The following SLBP variants were observed in gnomAD, a reference collection of about 807,000 sequenced individuals.
SLBP encodes the protein histone RNA hairpin-binding protein.
A neutral mutation model predicts 39.2 loss-of-function variants in SLBP; 29 were observed. The observed-to-expected ratio is 0.74, with a 90% CI of 0.55 to 1.01. The LOEUF is 1.01. SLBP is among the 50% of genes least tolerant of loss of function. SLBP has a pLI of 0.00. For synonymous variants in SLBP, 129 were observed against 118.7 expected, an observed-to-expected ratio of 1.09 and a Z score of -0.57; for missense variants, 390 against 350.2, an observed-to-expected ratio of 1.11 and a Z score of -0.91.
chr4:1,696,164 T>A (rs1170277871), intron 6 of SLBP, 38 bp downstream of exon 6: 2 of 1,535,142 alleles, frequency 1.3e-6, no homozygotes, highest in Admixed American at 4.0e-5. Flanking sequence ...ACTGGACCAA[T>A]CAGAGAATCA....
intron 5 of SLBP, among the ~76,000 whole-genome samples, chr4:1,697,943 T>A (rs543048518): frequency 6.6e-6 from 1 of 151,540 alleles, no homozygotes; most frequent in African/African-American, 2.4e-5. Flanking sequence ...CTGGGCGACA[T>A]AGGGAGACTC....
chr4:1,703,798 G>A (rs1716419346), intron 2 of SLBP, 98 bp from the exon 3 acceptor site: 2 of 885,506 alleles, frequency 2.3e-6, no homozygotes, highest in African/African-American at 1.6e-5. Context: ...GGACACAGTG[G>A]CTTGTGCCTG....
intron 2 of SLBP, among the ~76,000 whole-genome samples, chr4:1,706,957 C>T (rs570035291): frequency 3.3e-5 from 5 of 150,300 alleles, no homozygotes; most frequent in Non-Finnish European, 7.4e-5. Flanking sequence ...CAGTGGCTCA[C>T]GCCTGTAATC....
At chr4:1,698,360 G>T (rs1716198657) in intron 5 of SLBP, among the ~76,000 whole-genome samples, 1 of 144,892 alleles carries the variant, frequency 6.9e-6, no homozygotes, top group South Asian at 2.2e-4. Flanking sequence ...AGTGAGACAT[G>T]ATATAACACT....
intron 2 of SLBP, among the ~76,000 whole-genome samples, chr4:1,706,783 C>T (rs1054934359): frequency 5.1e-5 from 6 of 117,224 alleles, no homozygotes; most frequent in East Asian, 2.0e-4. Flanking sequence ...GAGCCGAGAT[C>T]GTGCACTGCA....
intron 2 of SLBP, among the ~76,000 whole-genome samples, chr4:1,707,685 G>A (rs1467383766): frequency 6.6e-6 from 1 of 151,956 alleles, no homozygotes; most frequent in African/African-American, 2.4e-5. Flanking sequence ...ACAGGCTCAT[G>A]CCTGTGACCC....
intron 2 of SLBP, among the ~76,000 whole-genome samples, chr4:1,705,784 G>A (rs1172360105): frequency 1.3e-5 from 2 of 152,182 alleles, no homozygotes; most frequent in African/African-American, 2.4e-5. Context: ...TTTATACATT[G>A]TGAGAAGTTG....
chr4:1,706,945 C>T (rs1316253464), intron 2 of SLBP, among the ~76,000 whole-genome samples: 9 of 149,490 alleles, frequency 6.0e-5, no homozygotes, highest in Admixed American at 6.6e-5. Context: ...CCAGGCCGGG[C>T]GCAGTGGCTC....
At chr4:1,701,764 G>C (rs1000868387) in intron 3 of SLBP, among the ~76,000 whole-genome samples, 5 of 152,086 alleles carry the variant, frequency 3.3e-5, no homozygotes, top group Non-Finnish European at 5.9e-5. Context: ...AAAATTAGCC[G>C]GACGTGGTGG....
At chr4:1,703,285 A>G (rs1316527162) in intron 3 of SLBP, among the ~76,000 whole-genome samples, 6 of 151,088 alleles carry the variant, frequency 4.0e-5, no homozygotes, top group Admixed American at 1.3e-4. Flanking sequence ...TCCAGCCTGC[A>G]ATCCAGCAGT....
chr4:1,694,897 G>C (rs982487096), intron 6 of SLBP, 57 bp from the exon 7 acceptor site: 5 of 1,224,986 alleles, frequency 4.1e-6, no homozygotes, highest in Non-Finnish European at 4.8e-6. Context: ...GCCAGGAGAC[G>C]GGGCGCTACA....
chr4:1,707,419 T>C (rs554454828), intron 2 of SLBP, among the ~76,000 whole-genome samples: 1 of 150,518 alleles, frequency 6.6e-6, no homozygotes, highest in Non-Finnish European at 1.5e-5. Context: ...GGCAGGAGAA[T>C]CACTTGAACC....
Position 1,711,891 on chromosome 4 carries a change from G to A in SLBP, c.159C>T (p.Ala53=). The A allele has an allele frequency of 2.2e-6, 3 of 1,357,852 alleles. No homozygotes were observed. Among genetic ancestry groups the A allele is most frequent in the South Asian group, 1.7e-5 (1 of 59,696 alleles). The allele number at this position is 1,357,852 out of a possible 1,614,324, so 84.1% of individuals were successfully genotyped here. A position where few individuals can be genotyped will look rare whatever the true frequency, so the allele number is the denominator to read the frequency against. Reference sequence around the variant, plus strand: ...GCGCCCACCTCTCGGGTCTGCGCTCGGCGCCGCGGTGCTCTGCCTCCTCGG... The same window carrying A: ...GCGCCCACCTCTCGGGTCTGCGCTCAGCGCCGCGGTGCTCTGCCTCCTCGG... ...EDAEEAEHRG[A]ERRPESFTTP... Residue 53 remains alanine (A), a synonymous_variant, in exon 2 of 8, where the codon GCC becomes GCT. Transcript: ENST00000489418.
intron 3 of SLBP, among the ~76,000 whole-genome samples, chr4:1,701,146 C>CTTTTT (rs369039404): frequency 1.2e-4 from 15 of 123,672 alleles, no homozygotes; most frequent in Admixed American, 1.8e-4. Context: ...TCTTTTTTTT[C>CTTTTT]TTTTTTTTTT....
At chr4:1,711,629 C>T (rs1716775516) in intron 2 of SLBP, among the ~76,000 whole-genome samples, 1 of 152,248 alleles carries the variant, frequency 6.6e-6, no homozygotes, top group Non-Finnish European at 1.5e-5. Flanking sequence ...CAGACTCGAA[C>T]TGGCTAACTC....
intron 5 of SLBP, 41 bp from the exon 6 acceptor site, chr4:1,696,392 C>G: frequency 1.4e-6 from 2 of 1,474,760 alleles, no homozygotes; most frequent in African/African-American, 2.9e-5. Flanking sequence ...CCACATGCCA[C>G]TCACATTTCC....
intron 5 of SLBP, among the ~76,000 whole-genome samples, chr4:1,699,259 G>A (rs1195266192): frequency 6.6e-6 from 1 of 152,020 alleles, no homozygotes; most frequent in Admixed American, 6.6e-5. Context: ...TATTTAACTT[G>A]AACTTCATTT....
chr4:1,693,881 C>A (rs1303450680), intron 7 of SLBP, among the ~76,000 whole-genome samples, 168 bp from the exon 8 acceptor site: 1 of 152,206 alleles, frequency 6.6e-6, no homozygotes, highest in East Asian at 1.9e-4. Context: ...CAAAGAGAAA[C>A]CACATGTACC....
At chr4:1,701,580 G>A (rs753880619) in intron 3 of SLBP, among the ~76,000 whole-genome samples, 3 of 152,170 alleles carry the variant, frequency 2.0e-5, no homozygotes, top group African/African-American at 4.8e-5. Flanking sequence ...TCACTAAAGG[G>A]CCAGCAGTTT....
Sources: allele counts gnomAD v4.1 joint callset (sites outside exome capture counted in the v4.1 genomes callset), GRCh38; gene constraint gnomAD v4.1.1; transcripts MANE v1.5; gene names NCBI Gene and HGNC (gene_info 2026-07-23, HGNC 2026-07-21).